The following EPHA3 variants were observed in gnomAD, a reference collection of about 807,000 sequenced individuals.
The protein encoded by EPHA3 is ephrin type-A receptor 3.
A neutral mutation model predicts 107.1 loss-of-function variants in EPHA3; 42 were observed. That is an observed-to-expected ratio of 0.39 (90% CI 0.31 to 0.51). The LOEUF (loss-of-function observed/expected upper bound fraction) is 0.51. EPHA3 is among the 20% of genes least tolerant of loss of function. The probability of loss-of-function intolerance (pLI) is 0.78; values close to 1 mark genes in which losing one functional copy is unlikely to be tolerated. For missense variants in EPHA3, 1,183 were observed against 1,211.2 expected (o/e 0.98, Z 0.35); for synonymous variants, 461 against 424.8 (o/e 1.09, Z -1.05).
intron 3 of EPHA3, among the ~76,000 whole-genome samples, chr3:89,292,207 A>T (rs1280513065): frequency 6.6e-6 from 1 of 152,214 alleles, no homozygotes; most frequent in Non-Finnish European, 1.5e-5. Flanking sequence ...CCACAGATTC[A>T]ACCAACCATG....
intron 3 of EPHA3, among the ~76,000 whole-genome samples, chr3:89,235,791 A>G (rs903542431): frequency 1.1e-4 from 17 of 152,014 alleles, no homozygotes; most frequent in Admixed American, 1.0e-3. Context: ...ATCAGTTTAC[A>G]TATTTTATAC....
At chr3:89,190,428 A>G (rs183099247) in intron 2 of EPHA3, among the ~76,000 whole-genome samples, 44 of 152,268 alleles carry the variant, frequency 2.9e-4, no homozygotes, top group African/African-American at 1.0e-3. Context: ...CTATAAACAT[A>G]GGCTTTATTT....
intron 2 of EPHA3, among the ~76,000 whole-genome samples, chr3:89,147,929 A>C (rs1704602601): frequency 6.6e-6 from 1 of 151,962 alleles, no homozygotes. Context: ...AAAAGTCTGT[A>C]TGTTTTGCCT....
intron 2 of EPHA3, among the ~76,000 whole-genome samples, chr3:89,168,571 C>G (rs951410773): frequency 2.0e-5 from 3 of 151,926 alleles, no homozygotes; most frequent in Non-Finnish European, 1.5e-5. Flanking sequence ...AATTAAGAGA[C>G]TTCCTTTCAA....
chr3:89,332,946 A>G (rs1223094064), intron 3 of EPHA3, among the ~76,000 whole-genome samples: 3 of 152,180 alleles, frequency 2.0e-5, no homozygotes, highest in African/African-American at 4.8e-5. Flanking sequence ...TCAACCGGAG[A>G]CAAAATTCAC....
intron 16 of EPHA3, among the ~76,000 whole-genome samples, chr3:89,477,304 C>A (rs1322125146): frequency 6.6e-6 from 1 of 152,186 alleles, no homozygotes; most frequent in Non-Finnish European, 1.5e-5. Flanking sequence ...CAGATAGGGC[C>A]TAAGGCAAGG....
chr3:89,255,598 C>G (rs1291090808), intron 3 of EPHA3, among the ~76,000 whole-genome samples: 1 of 151,892 alleles, frequency 6.6e-6, no homozygotes, highest in Non-Finnish European at 1.5e-5. Flanking sequence ...CCAACCCTGC[C>G]CAAATAAAAT....
intron 13 of EPHA3, among the ~76,000 whole-genome samples, chr3:89,439,203 T>C (rs1006638384): frequency 1.3e-5 from 2 of 152,262 alleles, no homozygotes; most frequent in Non-Finnish European, 2.9e-5. Context: ...AGAATAATTT[T>C]AATAATTGCA....
intron 3 of EPHA3, among the ~76,000 whole-genome samples, chr3:89,211,731 CTTCTTCTTCTCCTTCTTCTTCTT>C (rs1704096301): frequency 9.7e-5 from 1 of 10,322 alleles, no homozygotes; most frequent in Admixed American, 1.5e-3. Context: ...TCTTTTTCTT[CTTCTTCTTCTCCTTCTTCTTCTT>C]CTTCTTCTTC....
At position 89,415,019 on chromosome 3, in the gene EPHA3, A is replaced by G. The variant is rs543039677; in HGVS notation, c.1888+1753A>G. ...ACAACAAAACTGTACTTATTTGCAA[A>G]TAGGTATACCTTCAAGGTTAGTTAT... On this transcript the variant is annotated intron_variant, in intron 10 of 16. Coordinates refer to ENST00000336596, the MANE Select transcript of EPHA3 (RefSeq NM_005233.6). 1.5e-4 allele frequency among the ~76,000 whole-genome samples: 23 copies of G among 151,762 alleles called. No homozygotes were observed. In the East Asian group the frequency reaches 3.7e-3, roughly 24 times the overall value.
intron 3 of EPHA3, among the ~76,000 whole-genome samples, chr3:89,222,886 T>C (rs1233605716): frequency 1.3e-5 from 2 of 152,196 alleles, no homozygotes; most frequent in African/African-American, 4.8e-5. Context: ...GCAGACTTCT[T>C]AAGTATCTGA....
At chr3:89,309,456 G>T (rs1706713915) in intron 3 of EPHA3, among the ~76,000 whole-genome samples, 1 of 152,000 alleles carries the variant, frequency 6.6e-6, no homozygotes, top group African/African-American at 2.4e-5. Flanking sequence ...AGAGGGTATG[G>T]GAGAGGGAAG....
intron 2 of EPHA3, among the ~76,000 whole-genome samples, chr3:89,209,302 T>C (rs1706206771): frequency 6.6e-6 from 1 of 152,162 alleles, no homozygotes; most frequent in South Asian, 2.1e-4. Context: ...TTTCTATTTT[T>C]ACTTCAAATT....
chr3:89,379,321 A>G (rs1478221124), intron 5 of EPHA3, among the ~76,000 whole-genome samples: 2 of 152,182 alleles, frequency 1.3e-5, no homozygotes, highest in Non-Finnish European at 1.5e-5. Context: ...TTCTGCAGGC[A>G]TGATTGCTTT....
chr3:89,218,105 T>A (rs1388120812), intron 3 of EPHA3, among the ~76,000 whole-genome samples: 1 of 152,122 alleles, frequency 6.6e-6, no homozygotes, highest in East Asian at 1.9e-4. Flanking sequence ...AAGGAGGATA[T>A]AGTTCTGGCT....
chr3:89,262,649 A>G (rs568067842), intron 3 of EPHA3, among the ~76,000 whole-genome samples: 1 of 152,368 alleles, frequency 6.6e-6, no homozygotes, highest in South Asian at 2.1e-4. Flanking sequence ...ATGATGCGTG[A>G]CAGGGGTGCC....
intron 3 of EPHA3, among the ~76,000 whole-genome samples, chr3:89,211,468 T>G (rs1316904634): frequency 6.6e-6 from 1 of 152,084 alleles, no homozygotes; most frequent in East Asian, 1.9e-4. Context: ...TCCATTTTAA[T>G]GCCCTTGCTT....
At chr3:89,305,995 T>G (rs1706611579) in intron 3 of EPHA3, among the ~76,000 whole-genome samples, 1 of 152,104 alleles carries the variant, frequency 6.6e-6, no homozygotes, top group Non-Finnish European at 1.5e-5. Context: ...ATGGAGTCAA[T>G]AGGTAAGCCT....
rs1283111980 is a variant in EPHA3, at chr3:89,348,096, C to T, written c.1306+6006C>T. Among the ~76,000 whole-genome samples, 4 of 148,402 alleles carry T rather than the reference C, an allele frequency of 2.7e-5. No individual in the cohort carries two copies. In the East Asian group the frequency reaches 7.9e-4, roughly 29 times the overall value. ...ATTCTCTTTTTTGGTTGTATCTCTGCCCGGCTTTGGTATCAGAATGATGCT... is the reference window on the plus strand; with the variant it reads ...ATTCTCTTTTTTGGTTGTATCTCTGTCCGGCTTTGGTATCAGAATGATGCT... On this transcript the variant is annotated intron_variant, in intron 5 of 16. Coordinates refer to ENST00000336596, the MANE Select transcript of EPHA3 (RefSeq NM_005233.6).
Sources: gnomAD v4.1 joint callset for allele counts (sites outside exome capture counted in the v4.1 genomes callset) on GRCh38, gnomAD v4.1.1 for gene constraint, MANE v1.5 for transcripts, NCBI Gene and HGNC (gene_info 2026-07-23, HGNC 2026-07-21) for gene names.